The following SUSD4 variants were observed in gnomAD, a reference collection of about 807,000 sequenced individuals.
SUSD4 encodes the protein sushi domain-containing protein 4.
A neutral mutation model predicts 50.5 loss-of-function variants in SUSD4; 41 were observed. That is an observed-to-expected ratio of 0.81 (90% CI 0.63 to 1.05). SUSD4 has a LOEUF of 1.05. Ranked by LOEUF, SUSD4 falls within the 50% of genes least tolerant of loss-of-function variation. SUSD4 has a pLI of 0.00. For missense variants in SUSD4, 580 were observed against 634.7 expected (o/e 0.91, Z 0.93); for synonymous variants, 257 against 257.3 (o/e 1.00, Z 0.01).
At chr1:223,300,916 A>G (rs1572011641) in intron 2 of SUSD4, among the ~76,000 whole-genome samples, 1 of 152,194 alleles carries the variant, frequency 6.6e-6, no homozygotes. Context: ...TGTGAACAAC[A>G]TAAGAAGTCT....
chr1:223,246,197 C>A (rs1660915824), intron 5 of SUSD4, among the ~76,000 whole-genome samples: 1 of 152,062 alleles, frequency 6.6e-6, no homozygotes, highest in Admixed American at 6.5e-5. Flanking sequence ...GACTAGGGCG[C>A]ATCATGGAAG....
chr1:223,355,079 AT>A (rs35106430), intron 2 of SUSD4, among the ~76,000 whole-genome samples: 9,255 of 144,538 alleles, frequency 0.064, 424 homozygotes, highest in East Asian at 0.2. Context: ...CACCCAGCTA[AT>A]TTTTTTTTTT....
intron 3 of SUSD4, 100 bp downstream of exon 3, chr1:223,292,338 GA>G (rs1232906352): frequency 2.1e-5 from 27 of 1,314,452 alleles, no homozygotes; most frequent in Admixed American, 8.8e-5. Flanking sequence ...CTGCATCAGA[GA>G]GAAGAGCCCA....
intron 2 of SUSD4, among the ~76,000 whole-genome samples, chr1:223,330,968 T>C (rs567715896): frequency 2.6e-5 from 4 of 152,276 alleles, no homozygotes; most frequent in African/African-American, 7.2e-5. Context: ...TCTGTCCTAA[T>C]AAAAATGCCT....
chr1:223,275,082 T>A (rs949711561), intron 3 of SUSD4, among the ~76,000 whole-genome samples: 1 of 152,210 alleles, frequency 6.6e-6, no homozygotes, highest in African/African-American at 2.4e-5. Flanking sequence ...AACAAGGACA[T>A]CACTGCCTAT....
At chr1:223,321,984 G>A (rs1389189202) in intron 2 of SUSD4, among the ~76,000 whole-genome samples, 3 of 152,128 alleles carry the variant, frequency 2.0e-5, no homozygotes, top group South Asian at 2.1e-4. Context: ...GTTACCGATT[G>A]AGCATCCCAA....
At chr1:223,233,321 G>A (rs529457994) in intron 5 of SUSD4, among the ~76,000 whole-genome samples, 1 of 152,180 alleles carries the variant, frequency 6.6e-6, no homozygotes, top group Non-Finnish European at 1.5e-5. Flanking sequence ...GGTGTGGTGA[G>A]GGTAGGGGGT....
At chr1:223,291,073 T>C (rs755856723) in intron 3 of SUSD4, among the ~76,000 whole-genome samples, 6 of 152,216 alleles carry the variant, frequency 3.9e-5, no homozygotes, top group Non-Finnish European at 8.8e-5. Flanking sequence ...GTCTTTATTA[T>C]ATTTATTATG....
At chr1:223,358,446 T>G (rs1310641602) in intron 2 of SUSD4, among the ~76,000 whole-genome samples, 1 of 152,238 alleles carries the variant, frequency 6.6e-6, no homozygotes, top group Non-Finnish European at 1.5e-5. Flanking sequence ...ATCCGTCCTA[T>G]AAAGAATGCA....
rs761596808 is a variant in SUSD4, at chr1:223,264,759, A to G, written c.595T>C (p.Ser199Pro). 3 of 1,614,192 alleles carry G rather than the reference A, an allele frequency of 1.9e-6. No individual in the cohort carries two copies. The highest frequency in any genetic ancestry group is 2.5e-6 in the Non-Finnish European group (3 of 1,180,024). Residue 199 changes from serine (S) to proline (P), a missense_variant, in exon 5 of 9, where the codon TCC becomes CCC. Ser to Pro is a moderately conservative substitution (Grantham distance 74). Coordinates refer to ENST00000366878, the MANE Select transcript of SUSD4 (RefSeq NM_017982.4). ...GAGATCACAGTCCCCACCGGGAAGGAGGTCTGGAGCTCAGAGATGTTTACA... is the reference window on the plus strand; with the variant it reads ...GAGATCACAGTCCCCACCGGGAAGGGGGTCTGGAGCTCAGAGATGTTTACA... ...GYVNISELQTSFPVGTVISYR... is the reference protein window; with the variant it reads ...GYVNISELQTPFPVGTVISYR...
chr1:223,363,943 CAAA>C (rs772073886), intron 1 of SUSD4, 111 bp downstream of exon 1: 8 of 136,134 alleles, frequency 5.9e-5, no homozygotes, highest in Admixed American at 7.3e-5. Context: ...TCTGCGCTGT[CAAA>C]AAAAAAAAAA....
At position 223,221,224 on chromosome 1, in the gene SUSD4, G is replaced by C. The variant is rs1461428341; in HGVS notation, c.*968C>G. The C allele has an allele frequency of 5.0e-6, 2 of 399,146 alleles. No homozygotes were observed. The highest frequency in any genetic ancestry group is 8.9e-6 in the Non-Finnish European group (2 of 225,946). The allele number at this position is 399,146 out of a possible 1,614,324, so 24.7% of individuals were successfully genotyped here. A position where few individuals can be genotyped will look rare whatever the true frequency, so the allele number is the denominator to read the frequency against. ...CTTTTGAAGGTCGGATATGTTTACA[G>C]AAACAATTTCTGTTTTGGAAAATAA... On this transcript the variant is annotated 3_prime_UTR_variant, in exon 9 of 9. Coordinates refer to ENST00000366878, the MANE Select transcript of SUSD4 (RefSeq NM_017982.4).
At chr1:223,232,509 C>A (rs183779956) in intron 5 of SUSD4, among the ~76,000 whole-genome samples, 14 of 152,300 alleles carry the variant, frequency 9.2e-5, no homozygotes, top group Admixed American at 7.8e-4. Flanking sequence ...TAGAAAATTA[C>A]CAAAACTCTT....
chr1:223,356,897 C>A (rs773128537), intron 2 of SUSD4, among the ~76,000 whole-genome samples: 18 of 152,204 alleles, frequency 1.2e-4, no homozygotes, highest in Non-Finnish European at 1.5e-5. Flanking sequence ...GGTGGCGATA[C>A]AGCTAAAAAC....
chr1:223,323,149 C>A (rs150562085), intron 2 of SUSD4, among the ~76,000 whole-genome samples: 53 of 147,936 alleles, frequency 3.6e-4, no homozygotes, highest in Admixed American at 7.4e-4. Flanking sequence ...CTCACAATGA[C>A]GGAGGGTGAA....
At chr1:223,239,040 T>C (rs1289584493) in intron 5 of SUSD4, among the ~76,000 whole-genome samples, 1 of 152,046 alleles carries the variant, frequency 6.6e-6, no homozygotes, top group African/African-American at 2.4e-5. Flanking sequence ...TAAGGACTGT[T>C]AGGTATTCTT....
Position 223,264,217 on chromosome 1 carries a change from T to C in SUSD4, c.724+413A>G, listed in dbSNP as rs909153387. The C allele has an allele frequency of 3.0e-6, 3 of 985,214 alleles. No individual in the cohort carries two copies. In the African/African-American group the frequency reaches 5.2e-5, roughly 17 times the overall value. The allele number at this position is 985,214 out of a possible 1,614,324, so 61.0% of individuals were successfully genotyped here. ...CAAGGGTGTGCTTGCAGCAAAACAT[T>C]TACAGCTAAGCCATAAAGTGCATGG... On this transcript the variant is annotated intron_variant, in intron 5 of 8. Coordinates refer to ENST00000366878, the MANE Select transcript of SUSD4 (RefSeq NM_017982.4).
In SUSD4 at chr1:223,243,088, G is replaced by A. The variant is rs561636305; in HGVS notation, c.725-13700C>T. Among the ~76,000 whole-genome samples, 6 of 152,174 alleles carry A rather than the reference G, an allele frequency of 3.9e-5. No individual in the cohort carries two copies. In the East Asian group the frequency reaches 7.8e-4, roughly 20 times the overall value. On this transcript the variant is annotated intron_variant, in intron 5 of 8. Transcript: ENST00000366878. ...CAGATGCTCCCCATGATGGGCAGCC[G>A]GGTGACAGTGGCCACAGGGAGCCCT...
chr1:223,325,151 T>C (rs1666800599), intron 2 of SUSD4, among the ~76,000 whole-genome samples: 1 of 152,144 alleles, frequency 6.6e-6, no homozygotes, highest in South Asian at 2.1e-4. Context: ...CAGTATCCCT[T>C]CTCTCCTGTC....
Sources: gnomAD v4.1 joint callset for allele counts (sites outside exome capture counted in the v4.1 genomes callset) on GRCh38, gnomAD v4.1.1 for gene constraint, MANE v1.5 for transcripts, NCBI Gene and HGNC (gene_info 2026-07-23, HGNC 2026-07-21) for gene names.